GIPC3: variants seen among roughly 807,000 people sequenced by gnomAD.
GIPC3 encodes GIPC PDZ domain containing family member 3, also known as PDZ domain-containing protein GIPC3.
In GIPC3, 16 loss-of-function variants were observed where a neutral mutation model predicts 27.3. That is an observed-to-expected ratio of 0.59 (90% CI 0.40 to 0.89). The LOEUF (loss-of-function observed/expected upper bound fraction) is 0.89, where lower values mean the gene tolerates loss of function less well. Among genes scored for constraint, GIPC3 ranks in the 40% least tolerant of loss-of-function variants. The probability of loss-of-function intolerance (pLI) is 0.00; values close to 1 mark genes in which losing one functional copy is unlikely to be tolerated. For missense variants in GIPC3, 440 were observed against 442.1 expected (o/e 1.00, Z 0.04); for synonymous variants, 194 against 184.6 (o/e 1.05, Z -0.41).
chr19:3,588,341 C>T (rs932378346), intron 3 of GIPC3, among the ~76,000 whole-genome samples: 3 of 151,882 alleles, frequency 2.0e-5, no homozygotes, highest in South Asian at 2.1e-4. Flanking sequence ...ATGAAGAAAA[C>T]AGTGTATTGA....
chr19:3,585,857 C>G, intron 1 of GIPC3, 35 bp downstream of exon 1: 1 of 1,532,546 alleles, frequency 6.5e-7, no homozygotes, highest in Non-Finnish European at 8.8e-7. Flanking sequence ...CAAGACCACC[C>G]GCCTGATGGG....
Position 3,592,063 on chromosome 19 carries a change from A to G in GIPC3, c.*1873A>G, listed in dbSNP as rs1232052024. On this transcript the variant is annotated 3_prime_UTR_variant, in exon 6 of 6. Coordinates refer to ENST00000644452, the MANE Select transcript of GIPC3 (RefSeq NM_133261.3). The stretch of plus-strand genomic sequence containing the variant: ...AAAACACAGACAGCAGCTGAGACCC[A>G]GCCAAGTTCCAGAATCCAGCTAAGC... 4.1e-6 allele frequency: 5 copies of G among 1,232,098 alleles called. No individual in the cohort carries two copies. The African/African-American group carries it at 4.7e-5, about 11-fold the overall frequency. The allele number at this position is 1,232,098 out of a possible 1,614,324, so 76.3% of individuals were successfully genotyped here. A position where few individuals can be genotyped will look rare whatever the true frequency, so the allele number is the denominator to read the frequency against.
chr19:3,587,979 G>C (rs148500211), intron 3 of GIPC3, among the ~76,000 whole-genome samples: 1 of 151,880 alleles, frequency 6.6e-6, no homozygotes, highest in Admixed American at 6.6e-5. Context: ...GTGAGCCACC[G>C]CGCCTGGCCG....
chr19:3,588,262 G>A (rs982095220), intron 3 of GIPC3, among the ~76,000 whole-genome samples: 3 of 152,076 alleles, frequency 2.0e-5, no homozygotes, highest in East Asian at 3.9e-4. Flanking sequence ...CTCGGCCTCC[G>A]AAAGTGCTGG....
Position 3,591,173 on chromosome 19 carries a change from T to C in GIPC3, c.*983T>C. 1 of 1,232,404 alleles carries C rather than the reference T, an allele frequency of 8.1e-7. No homozygotes were observed. The highest frequency in any genetic ancestry group is 4.1e-5 in the South Asian group (1 of 24,422). The allele number at this position is 1,232,404 out of a possible 1,614,324, so 76.3% of individuals were successfully genotyped here. A position where few individuals can be genotyped will look rare whatever the true frequency, so the allele number is the denominator to read the frequency against. On this transcript the variant is annotated 3_prime_UTR_variant, in exon 6 of 6. Transcript: ENST00000644452. ...TAAGCTCTGAAACCAATCCCAGCAT[T>C]GAGACCAAGCCCTGTTCTAGAACTC...
At position 3,585,527 on chromosome 19, in the gene GIPC3, G is replaced by A; in HGVS notation, c.-71G>A. The A allele has an allele frequency of 9.2e-7, 1 of 1,084,792 alleles. No individual in the cohort carries two copies. Among genetic ancestry groups the A allele is most frequent in the Non-Finnish European group, 1.1e-6 (1 of 893,628 alleles). 67.2% of individuals were successfully genotyped at this position (1,084,792 alleles called of 1,614,324 possible). On this transcript the variant is annotated 5_prime_UTR_variant, in exon 1 of 6. Coordinates refer to ENST00000644452, the MANE Select transcript of GIPC3 (RefSeq NM_133261.3). ...CTGTCGCGCCCTGGGCCGGGGGAGG[G>A]GAGGCTGCAGGAAGCGGCGGATCCG...
Position 3,593,391 on chromosome 19 carries a change from C to A in GIPC3, c.*3201C>A, listed in dbSNP as rs753551569. 3 of 1,062,392 alleles carry A rather than the reference C, an allele frequency of 2.8e-6. No homozygotes were observed. Among genetic ancestry groups the A allele is most frequent in the African/African-American group, 1.6e-5 (1 of 61,180 alleles). 65.8% of individuals were successfully genotyped at this position (1,062,392 alleles called of 1,614,324 possible). On this transcript the variant is annotated 3_prime_UTR_variant, in exon 6 of 6. Transcript: ENST00000644452. ...CAAGTGACCTTATTTCTCCAGCAGG[C>A]GGTGGTAGGGAGTGTGCGGTGGTGA...
Position 3,585,564 on chromosome 19 carries a change from G to C in GIPC3, c.-34G>C. ...AAGCGGCGGATCCGGCGGCGGCGGC[G>C]AGGGCCCGGGTGGGTGGCCGAACTT... On this transcript the variant is annotated 5_prime_UTR_variant, in exon 1 of 6. Coordinates refer to ENST00000644452, the MANE Select transcript of GIPC3 (RefSeq NM_133261.3). The C allele has an allele frequency of 8.7e-7, 1 of 1,143,662 alleles. No homozygotes were observed. The highest frequency in any genetic ancestry group is 1.1e-6 in the Non-Finnish European group (1 of 931,728). The allele number at this position is 1,143,662 out of a possible 1,614,324, so 70.8% of individuals were successfully genotyped here. A position where few individuals can be genotyped will look rare whatever the true frequency, so the allele number is the denominator to read the frequency against.
chr19:3,589,437 C>G lies in GIPC3; in HGVS notation c.593-6C>G, dbSNP rs10426399. 1.2e-5 allele frequency: 20 copies of G among 1,608,676 alleles called. No individual in the cohort carries two copies. The highest frequency in any genetic ancestry group is 1.6e-5 in the Non-Finnish European group (19 of 1,175,290). On this transcript the variant is annotated splice_region_variant and splice_polypyrimidine_tract_variant and intron_variant, in intron 3 of 5. Transcript: ENST00000644452. ...CCATGGCCATCCCTCACTCTGTTCCCTCCAGATATGATTGGCCAGAGAAGT... is the reference window on the plus strand; with the variant it reads ...CCATGGCCATCCCTCACTCTGTTCCGTCCAGATATGATTGGCCAGAGAAGT...
In GIPC3 at chr19:3,589,507, G is replaced by A. The variant is rs140346341; in HGVS notation, c.657G>A (p.Arg219=). 1 of 1,614,072 alleles carries A rather than the reference G, an allele frequency of 6.2e-7. No homozygotes were observed. The highest frequency in any genetic ancestry group is 8.5e-7 in the Non-Finnish European group (1 of 1,180,018). ...CPVEAKVTSG[R]ETLRLRSGGA... is the part of the protein sequence containing the mutation. ...TAGAGGCGAAAGTGACCAGCGGGAG[G>A]GAGACCCTGCGGCTTCGTTCTGGGG... The change falls in exon 4 of 6, where the codon AGG becomes AGA. Residue 219 remains arginine, a synonymous_variant. Transcript: ENST00000644452.
rs2145278356 is a variant in GIPC3 at position 3,592,338 on chromosome 19, A to G, written c.*2148A>G. 1 of 1,232,082 alleles carries G rather than the reference A, an allele frequency of 8.1e-7. No individual in the cohort carries two copies. Among genetic ancestry groups the G allele is most frequent in the South Asian group, 4.1e-5 (1 of 24,318 alleles). 76.3% of individuals were successfully genotyped at this position (1,232,082 alleles called of 1,614,324 possible). A position where few individuals can be genotyped will look rare whatever the true frequency, so the allele number is the denominator to read the frequency against. On this transcript the variant is annotated 3_prime_UTR_variant, in exon 6 of 6. Transcript: ENST00000644452. Reference sequence around the variant, plus strand: ...GCAGAGCAGTTCTGAAAGTCAGCTTAGCTTTGGAACTCAGCCCAGCTCTGG... The same window carrying G: ...GCAGAGCAGTTCTGAAAGTCAGCTTGGCTTTGGAACTCAGCCCAGCTCTGG...
Position 3,589,918 on chromosome 19 carries a change from G to A in GIPC3, c.787+6G>A. The A allele has an allele frequency of 4.3e-6, 7 of 1,613,824 alleles. No individual in the cohort carries two copies. The highest frequency in any genetic ancestry group is 5.9e-6 in the Non-Finnish European group (7 of 1,180,002). ...CATTCGGGACCCCGAGCTGGGTAAG[G>A]GGCCAGGGTAAGCCAGGGGGCCCTG... On this transcript the variant is annotated splice_donor_region_variant and intron_variant, in intron 5 of 5. Transcript: ENST00000644452.
chr19:3,591,692 T>C lies in GIPC3; in HGVS notation c.*1502T>C. 1.6e-6 allele frequency: 2 copies of C among 1,233,794 alleles called. No homozygotes were observed. Among genetic ancestry groups the C allele is most frequent in the Non-Finnish European group, 2.0e-6 (2 of 989,760 alleles). 76.4% of individuals were successfully genotyped at this position (1,233,794 alleles called of 1,614,324 possible). A position where few individuals can be genotyped will look rare whatever the true frequency, so the allele number is the denominator to read the frequency against. ...AGTTGCATCCAAGTGCCCATCCCCA[T>C]CCTGCAGCCCAGTCCAGCTCCAGTG... On this transcript the variant is annotated 3_prime_UTR_variant, in exon 6 of 6. Coordinates refer to ENST00000644452, the MANE Select transcript of GIPC3 (RefSeq NM_133261.3).
At position 3,590,955 on chromosome 19, in the gene GIPC3, A is replaced by G. The variant is rs1003029756; in HGVS notation, c.*765A>G. On this transcript the variant is annotated 3_prime_UTR_variant, in exon 6 of 6. Transcript: ENST00000644452. ...GATGAGCTCTGAGACAGAGCCCAGT[A>G]TTGAGACCAAGCCCTGTTCTAGAGT... 10 of 1,230,168 alleles carry G rather than the reference A, an allele frequency of 8.1e-6. No homozygotes were observed. The highest frequency in any genetic ancestry group is 1.0e-5 in the Non-Finnish European group (10 of 988,218). 76.2% of individuals were successfully genotyped at this position (1,230,168 alleles called of 1,614,324 possible).
At position 3,591,920 on chromosome 19, in the gene GIPC3, G is replaced by T; in HGVS notation, c.*1730G>T. The T allele has an allele frequency of 8.1e-7, 1 of 1,232,424 alleles. No homozygotes were observed. The highest frequency in any genetic ancestry group is 4.1e-5 in the South Asian group (1 of 24,292). The allele number at this position is 1,232,424 out of a possible 1,614,324, so 76.3% of individuals were successfully genotyped here. A position where few individuals can be genotyped will look rare whatever the true frequency, so the allele number is the denominator to read the frequency against. On this transcript the variant is annotated 3_prime_UTR_variant, in exon 6 of 6. Transcript: ENST00000644452. ...GAATGCAGTTTACTTCCAGGACCCA[G>T]ACCAATTTCAAGGCCTGGCCAAGCT...
Position 3,585,751 on chromosome 19 carries a change from A to G in GIPC3, c.154A>G (p.Ile52Val), listed in dbSNP as rs2032352590. 6.5e-7 allele frequency: 1 copy of G among 1,545,984 alleles called. No homozygotes were observed. ...GGCGCACGGGAGCCCCACGGGCAAGATCGAGGGCTTCACCAACGTCCGCGA... is the reference window on the plus strand; with the variant it reads ...GGCGCACGGGAGCCCCACGGGCAAGGTCGAGGGCTTCACCAACGTCCGCGA... ...QLAHGSPTGK[I>V]EGFTNVRELY... Residue 52 changes from isoleucine to valine, a missense_variant, in exon 1 of 6, where the codon ATC (isoleucine) becomes GTC (valine). Physicochemically the swap from Ile to Val is conservative, Grantham distance 29. Coordinates refer to ENST00000644452, the MANE Select transcript of GIPC3 (RefSeq NM_133261.3).
intron 3 of GIPC3, 132 bp downstream of exon 3, chr19:3,587,126 G>C: frequency 2.6e-6 from 2 of 771,554 alleles, no homozygotes; most frequent in Non-Finnish European, 4.2e-6. Flanking sequence ...GCTCCTGGCA[G>C]GGTATCAGAA....
intron 1 of GIPC3, 115 bp downstream of exon 1, chr19:3,585,937 C>T: frequency 6.9e-7 from 1 of 1,445,788 alleles, no homozygotes; most frequent in Non-Finnish European, 9.2e-7. Context: ...TCGGGGTGGC[C>T]GCCTAATCGC....
intron 2 of GIPC3, 38 bp downstream of exon 2, chr19:3,586,718 C>T: frequency 6.2e-7 from 1 of 1,609,194 alleles, no homozygotes; most frequent in Non-Finnish European, 8.5e-7. Context: ...TTCCTGGGGT[C>T]CAGCAACTGC....
Sources: allele counts gnomAD v4.1 joint callset (sites outside exome capture counted in the v4.1 genomes callset), GRCh38; gene constraint gnomAD v4.1.1; transcripts MANE v1.5; gene names NCBI Gene and HGNC (gene_info 2026-07-23, HGNC 2026-07-21).